The following MAN1A1 variants were observed in gnomAD, a reference collection of about 807,000 sequenced individuals.
MAN1A1 encodes the protein mannosyl-oligosaccharide 1,2-alpha-mannosidase IA.
MAN1A1 carries 29 observed loss-of-function variants against 70.8 expected under a neutral mutation model. The observed-to-expected ratio is 0.41, with a 90% confidence interval of 0.31 to 0.56. The LOEUF is 0.56. Ranked by LOEUF, MAN1A1 falls within the 20% of genes least tolerant of loss-of-function variation. The pLI, the probability that MAN1A1 is intolerant of heterozygous loss-of-function variation, is 0.29. For synonymous variants in MAN1A1, 349 were observed against 330.1 expected (o/e 1.06, Z -0.62); for missense variants, 747 against 841.3 (o/e 0.89, Z 1.39).
At chr6:119,218,404 T>C (rs1313146485) in intron 6 of MAN1A1, among the ~76,000 whole-genome samples, 1 of 152,196 alleles carries the variant, frequency 6.6e-6, no homozygotes, top group African/African-American at 2.4e-5. Flanking sequence ...TAAAGTTTAC[T>C]GTTTTAAGCT....
Position 119,349,247 on chromosome 6 carries a change from C to A in MAN1A1, c.-182G>T. ...GGGTCTTCTCCCCGGGGCGGCTCCT[C>A]GGGCACACAGGCACGCGCGACAGAC... is the stretch of plus-strand genomic sequence containing the variant. On this transcript the variant is annotated 5_prime_UTR_variant, in exon 2 of 13. Transcript: ENST00000368468. 8.2e-7 allele frequency: 1 copy of A among 1,213,786 alleles called. No homozygotes were observed. Among genetic ancestry groups the A allele is most frequent in the Non-Finnish European group, 1.0e-6 (1 of 976,996 alleles). 75.2% of individuals were successfully genotyped at this position (1,213,786 alleles called of 1,614,324 possible).
chr6:119,275,872 T>C (rs1776050316), intron 5 of MAN1A1, among the ~76,000 whole-genome samples: 1 of 152,224 alleles, frequency 6.6e-6, no homozygotes, highest in Non-Finnish European at 1.5e-5. Flanking sequence ...GTCATGTGCT[T>C]TGCTACAGAC....
At chr6:119,327,207 A>G (rs1773170253) in intron 2 of MAN1A1, 1 of 152,146 alleles carries the variant, frequency 6.6e-6, no homozygotes, top group Admixed American at 6.5e-5. Context: ...GAAGAGATGC[A>G]GCAGAATGGA....
chr6:119,305,240 T>A (rs1772496570), intron 3 of MAN1A1, among the ~76,000 whole-genome samples: 1 of 152,212 alleles, frequency 6.6e-6, no homozygotes, highest in South Asian at 2.1e-4. Flanking sequence ...ATAACAAATT[T>A]TAAAATCATA....
At chr6:119,321,909 G>A (rs779707247) in intron 2 of MAN1A1, among the ~76,000 whole-genome samples, 25 of 151,972 alleles carry the variant, frequency 1.6e-4, no homozygotes, top group Non-Finnish European at 3.1e-4. Flanking sequence ...ATGAGCCACC[G>A]CCCCGGCCCT....
rs146887838 is a variant in MAN1A1 at position 119,199,632 on chromosome 6, TGTG to T, written c.1210+1619_1210+1621del. 2.8e-3 allele frequency among the ~76,000 whole-genome samples: 423 copies of T among 151,830 alleles called. 4 individuals are homozygous for T. Among genetic ancestry groups the T allele is most frequent in the African/African-American group, 9.4e-3 (390 of 41,398 alleles). On this transcript the variant is annotated intron_variant, in intron 8 of 12. Transcript: ENST00000368468. ...CTATTAAGAATACAATGGGGGCTGG[TGTG>T]GTGGCTCATGCCTGTAATCCCAACA...
intron 1 of MAN1A1, 31 bp from the exon 2 acceptor site, chr6:119,349,318 A>G: frequency 8.5e-7 from 1 of 1,175,022 alleles, no homozygotes; most frequent in Non-Finnish European, 1.1e-6. Context: ...AAACGTAGTA[A>G]TTACGGCGAT....
intron 2 of MAN1A1, among the ~76,000 whole-genome samples, chr6:119,333,834 A>C (rs1773382572): frequency 6.6e-6 from 1 of 152,202 alleles, no homozygotes; most frequent in African/African-American, 2.4e-5. Context: ...CTAAATGTCT[A>C]AATTCTAGTG....
At chr6:119,227,531 G>T (rs961218165) in intron 6 of MAN1A1, among the ~76,000 whole-genome samples, 1 of 152,166 alleles carries the variant, frequency 6.6e-6, no homozygotes, top group Non-Finnish European at 1.5e-5. Flanking sequence ...CAAGCTAAGT[G>T]CAGTGGTGTA....
rs146169347 is a variant in MAN1A1 at position 119,235,522 on chromosome 6, C to A, written c.992+12738G>T. Among the ~76,000 whole-genome samples the A allele has an allele frequency of 6.0e-3, 918 of 152,260 alleles. 8 individuals are homozygous for A. Among genetic ancestry groups the A allele is most frequent in the African/African-American group, 0.021 (870 of 41,568 alleles). On this transcript the variant is annotated intron_variant, in intron 6 of 12. Transcript: ENST00000368468. ...GAATCTGTACAACAAAAGTTTGAAGCTAGCAGAGGTTGGTTCATGAAGGTG... is the reference window on the plus strand; with the variant it reads ...GAATCTGTACAACAAAAGTTTGAAGATAGCAGAGGTTGGTTCATGAAGGTG...
chr6:119,244,833 T>C (rs1288562728), intron 6 of MAN1A1, among the ~76,000 whole-genome samples: 1 of 152,018 alleles, frequency 6.6e-6, no homozygotes, highest in Non-Finnish European at 1.5e-5. Context: ...AGGCTGTGAG[T>C]CCCCTGAGGG....
chr6:119,294,449 T>C (rs1254260945), intron 4 of MAN1A1, among the ~76,000 whole-genome samples: 1 of 152,052 alleles, frequency 6.6e-6, no homozygotes, highest in Non-Finnish European at 1.5e-5. Context: ...TCCTAACAAT[T>C]AATGTGAATT....
chr6:119,289,825 G>T (rs906363222), intron 5 of MAN1A1, among the ~76,000 whole-genome samples: 2 of 151,976 alleles, frequency 1.3e-5, no homozygotes, highest in Non-Finnish European at 2.9e-5. Context: ...GTTTGAAGGA[G>T]CATAGCAATA....
At chr6:119,279,465 G>A (rs9401135) in intron 5 of MAN1A1, among the ~76,000 whole-genome samples, 72,300 of 152,002 alleles carry the variant, frequency 0.48, 17,620 homozygotes, top group East Asian at 0.74. Flanking sequence ...AGCATCATAC[G>A]TTTATAAGGA....
chr6:119,191,027 G>A (rs530276173), intron 9 of MAN1A1, among the ~76,000 whole-genome samples: 3 of 152,236 alleles, frequency 2.0e-5, no homozygotes, highest in South Asian at 4.1e-4. Context: ...AGAGAAGAAT[G>A]AATGAAAATG....
intron 5 of MAN1A1, among the ~76,000 whole-genome samples, chr6:119,256,039 A>T (rs770123114): frequency 1.3e-5 from 2 of 152,016 alleles, no homozygotes; most frequent in African/African-American, 2.4e-5. Context: ...AGTGTTGCTT[A>T]TTTTCCTGAA....
chr6:119,285,805 T>C (rs111628567), intron 5 of MAN1A1, among the ~76,000 whole-genome samples: 4 of 152,308 alleles, frequency 2.6e-5, no homozygotes, highest in Middle Eastern at 3.4e-3. Flanking sequence ...AAATGTATTG[T>C]TGGATTTTTC....
intron 5 of MAN1A1, among the ~76,000 whole-genome samples, chr6:119,262,075 C>T (rs141796556): frequency 5.4e-4 from 82 of 152,246 alleles, no homozygotes; most frequent in African/African-American, 1.9e-3. Context: ...TGCAGAGTCC[C>T]GTCCTGGGGC....
chr6:119,307,986 C>T (rs761970840), intron 2 of MAN1A1, among the ~76,000 whole-genome samples: 5 of 152,054 alleles, frequency 3.3e-5, no homozygotes, highest in Non-Finnish European at 5.9e-5. Context: ...CATCTTTAAC[C>T]AACTTGTAAA....
Sources: allele counts gnomAD v4.1 joint callset (sites outside exome capture counted in the v4.1 genomes callset), GRCh38; gene constraint gnomAD v4.1.1; transcripts MANE v1.5; gene names NCBI Gene and HGNC (gene_info 2026-07-23, HGNC 2026-07-21).